The following LIPK variants were observed in gnomAD, a reference collection of about 807,000 sequenced individuals.
LIPK encodes the protein lipase member K.
A neutral mutation model predicts 48.6 loss-of-function variants in LIPK; 32 were observed. The observed-to-expected ratio is 0.66, with a 90% CI of 0.50 to 0.88. The LOEUF (loss-of-function observed/expected upper bound fraction) is 0.88. Ranked by LOEUF, LIPK falls within the 40% of genes least tolerant of loss-of-function variation. The pLI is 0.00. For missense variants in LIPK, 507 were observed against 478.5 expected (o/e 1.06, Z -0.56); for synonymous variants, 164 against 157.4 (o/e 1.04, Z -0.32).
intron 1 of LIPK, among the ~76,000 whole-genome samples, chr10:88,711,545 T>A (rs371376663): frequency 2.1e-4 from 32 of 152,314 alleles, no homozygotes; most frequent in African/African-American, 7.5e-4. Flanking sequence ...CAATCTCGGC[T>A]CACTGCAACC....
chr10:88,728,187 A>T (rs1306902060), intron 3 of LIPK: 1 of 198,952 alleles, frequency 5.0e-6, no homozygotes, highest in Non-Finnish European at 1.0e-5. Context: ...AGAAGAGAAG[A>T]TCCGTGAGCT....
intron 3 of LIPK, among the ~76,000 whole-genome samples, chr10:88,730,605 C>G (rs924055051): frequency 1.3e-5 from 2 of 152,094 alleles, no homozygotes; most frequent in African/African-American, 4.8e-5. Context: ...CAGCCTTTTA[C>G]ATGTTTTAGT....
At chr10:88,729,262 G>GGGC (rs1842417233) in intron 3 of LIPK, among the ~76,000 whole-genome samples, 1 of 132,828 alleles carries the variant, frequency 7.5e-6, no homozygotes, top group South Asian at 3.0e-4. Context: ...TGGGGGGGGG[G>GGGC]GGCGGGGGAA....
intron 1 of LIPK, among the ~76,000 whole-genome samples, chr10:88,715,402 TTGACTC>T (rs1318051618): frequency 1.3e-5 from 2 of 152,166 alleles, no homozygotes; most frequent in Non-Finnish European, 2.9e-5. Flanking sequence ...ATATCTCACT[TTGACTC>T]TGATAATGTT....
At chr10:88,746,264 C>T (rs1416113786) in intron 9 of LIPK, among the ~76,000 whole-genome samples, 1 of 152,008 alleles carries the variant, frequency 6.6e-6, no homozygotes, top group Non-Finnish European at 1.5e-5. Context: ...AACTTGACAC[C>T]TAACCAAATA....
intron 1 of LIPK, among the ~76,000 whole-genome samples, chr10:88,722,165 C>T (rs1032824129): frequency 6.6e-6 from 1 of 152,068 alleles, no homozygotes; most frequent in African/African-American, 2.4e-5. Context: ...TGTGGCGGCA[C>T]GCGCCTGTAA....
At chr10:88,744,348 A>G (rs1477024170) in intron 9 of LIPK, among the ~76,000 whole-genome samples, 1 of 152,240 alleles carries the variant, frequency 6.6e-6, no homozygotes, top group East Asian at 1.9e-4. Context: ...GCGTGTGTGC[A>G]AACCTTGCCA....
At chr10:88,721,746 C>G (rs1324929028) in intron 1 of LIPK, among the ~76,000 whole-genome samples, 4 of 152,202 alleles carry the variant, frequency 2.6e-5, no homozygotes, top group Non-Finnish European at 5.9e-5. Flanking sequence ...GGTTTACTTA[C>G]TGGTGATTTT....
In LIPK at chr10:88,732,192, C is replaced by G; in HGVS notation, c.437C>G (p.Ala146Gly). Residue 146 changes from alanine (A) to glycine (G), a missense_variant, in exon 5 of 10, where the codon GCT becomes GGT. Transcript: ENST00000404190. ...CTTTTTGATAGTTTGGATGAGATGG[C>G]TAAATATGACCTTCCAGCCACAATC... ...EYWAFSLDEM[A>G]KYDLPATINF... The G allele has an allele frequency of 1.3e-6, 2 of 1,506,066 alleles. No individual in the cohort carries two copies. Among genetic ancestry groups the G allele is most frequent in the Non-Finnish European group, 1.8e-6 (2 of 1,109,216 alleles). The allele number at this position is 1,506,066 out of a possible 1,614,324, so 93.3% of individuals were successfully genotyped here.
At chr10:88,726,108 G>A (rs1258563031) in intron 2 of LIPK, among the ~76,000 whole-genome samples, 1 of 152,014 alleles carries the variant, frequency 6.6e-6, no homozygotes, top group African/African-American at 2.4e-5. Context: ...AGTCTGTTTG[G>A]TAATAGATCA....
chr10:88,727,802 G>T, intron 3 of LIPK: 1 of 331,756 alleles, frequency 3.0e-6, no homozygotes, highest in South Asian at 2.9e-5. Context: ...GAACACCCAG[G>T]AGAAGAAGCA....
chr10:88,729,259 G>GA (rs1842416081), intron 3 of LIPK, among the ~76,000 whole-genome samples: 1 of 137,202 alleles, frequency 7.3e-6, no homozygotes, highest in African/African-American at 2.5e-5. Context: ...TGTTGGGGGG[G>GA]GGGGGCGGGG....
intron 9 of LIPK, among the ~76,000 whole-genome samples, chr10:88,747,024 A>G (rs1429308443): frequency 2.0e-5 from 3 of 152,218 alleles, no homozygotes; most frequent in Non-Finnish European, 4.4e-5. Flanking sequence ...GAAGAAATGC[A>G]TAAATTCCGG....
chr10:88,725,398 T>C (rs1246705414), intron 2 of LIPK, among the ~76,000 whole-genome samples: 1 of 152,216 alleles, frequency 6.6e-6, no homozygotes, highest in Non-Finnish European at 1.5e-5. Flanking sequence ...AGAACAATCA[T>C]CTATAAAGCA....
chr10:88,715,915 C>T (rs1170946715), intron 1 of LIPK, among the ~76,000 whole-genome samples: 16 of 151,956 alleles, frequency 1.1e-4, no homozygotes, highest in Admixed American at 1.1e-3. Context: ...CTCAAGATTG[C>T]AAATTTGTAC....
chr10:88,725,699 G>C (rs964152751), intron 2 of LIPK, among the ~76,000 whole-genome samples: 2 of 152,144 alleles, frequency 1.3e-5, no homozygotes, highest in Admixed American at 1.3e-4. Context: ...CCATCTCAAA[G>C]GCCTCTTATA....
Position 88,706,298 on chromosome 10 carries a change from A to T in LIPK, c.-34A>T, listed in dbSNP as rs928455640. The stretch of plus-strand genomic sequence containing the variant: ...CCTGAAGCTCCCAGGACTTGAAGAC[A>T]GACCTCCAAAGACTTGGATCAGGTA... On this transcript the variant is annotated 5_prime_UTR_variant, in exon 1 of 10. An upstream open reading frame in the 5' UTR gains an earlier in-frame stop. Transcript: ENST00000404190. Among the ~76,000 whole-genome samples, 3 of 152,216 alleles carry T rather than the reference A, an allele frequency of 2.0e-5. No individual in the cohort carries two copies. Among genetic ancestry groups the T allele is most frequent in the African/African-American group, 7.2e-5 (3 of 41,462 alleles).
intron 1 of LIPK, among the ~76,000 whole-genome samples, chr10:88,709,754 A>G (rs1001386222): frequency 2.6e-5 from 4 of 152,062 alleles, no homozygotes; most frequent in Middle Eastern, 3.2e-3. Context: ...AATATTGTCA[A>G]TTATTCTCTT....
chr10:88,734,431 T>G (rs941450232), intron 6 of LIPK, among the ~76,000 whole-genome samples: 1 of 152,094 alleles, frequency 6.6e-6, no homozygotes, highest in African/African-American at 2.4e-5. Flanking sequence ...AAGGAGAGTA[T>G]GAGAAATCAT....
Sources: allele counts gnomAD v4.1 joint callset (sites outside exome capture counted in the v4.1 genomes callset), GRCh38; gene constraint gnomAD v4.1.1; transcripts MANE v1.5; gene names NCBI Gene and HGNC (gene_info 2026-07-23, HGNC 2026-07-21).